Variants in NDUFAF2 observed in about 807,000 individuals in gnomAD.
NDUFAF2 encodes the protein NADH:ubiquinone oxidoreductase complex assembly factor 2.
A neutral mutation model predicts 22.8 loss-of-function variants in NDUFAF2; 13 were observed. The ratio of observed to expected loss-of-function variants is 0.57; its 90% CI spans 0.37 to 0.91. The LOEUF (loss-of-function observed/expected upper bound fraction) is 0.91. Ranked by LOEUF, NDUFAF2 falls within the 40% of genes least tolerant of loss-of-function variation. The pLI is 0.01. For missense variants in NDUFAF2, 162 were observed against 195.2 expected, an observed-to-expected ratio of 0.83 and a Z score of 1.01; for synonymous variants, 53 against 64.2, an observed-to-expected ratio of 0.83 and a Z score of 0.84.
intron 1 of NDUFAF2, among the ~76,000 whole-genome samples, chr5:61,044,186 T>A (rs1330200932): frequency 1.3e-5 from 2 of 151,988 alleles, no homozygotes; most frequent in Non-Finnish European, 2.9e-5. Context: ...CCTTTGCTTA[T>A]TTTTTAATCA....
intron 1 of NDUFAF2, among the ~76,000 whole-genome samples, chr5:60,993,723 C>T (rs79806206): frequency 0.017 from 2,525 of 152,072 alleles, 82 homozygotes; most frequent in African/African-American, 0.058. Flanking sequence ...CTGATCACCC[C>T]GATGTCTGTA....
rs376529058 is a variant in NDUFAF2 at position 61,141,441 on chromosome 5, C to T, written c.259-11263C>T. Among the ~76,000 whole-genome samples the T allele has an allele frequency of 4.2e-4, 64 of 152,054 alleles. 1 individual carries two copies. The South Asian group carries it at 0.013, about 31-fold the overall frequency. ...CTCAATCCTTGGCACTTAGTGGGCT[C>T]TCAGTTAATATATGCATGAACCAAT... On this transcript the variant is annotated intron_variant, in intron 3 of 3. Transcript: ENST00000296597.
chr5:60,995,415 G>A (rs1408592059), intron 1 of NDUFAF2, among the ~76,000 whole-genome samples: 1 of 152,212 alleles, frequency 6.6e-6, no homozygotes, highest in South Asian at 2.1e-4. Context: ...GTAACGCTGT[G>A]GTTCTTGCAG....
chr5:61,040,437 A>G (rs1751866311), intron 1 of NDUFAF2, among the ~76,000 whole-genome samples: 1 of 152,158 alleles, frequency 6.6e-6, no homozygotes, highest in South Asian at 2.1e-4. Flanking sequence ...TTCAGACTTT[A>G]GCCTCCAGAA....
intron 1 of NDUFAF2, among the ~76,000 whole-genome samples, chr5:61,006,329 GT>G (rs1751365959): frequency 6.6e-6 from 1 of 152,270 alleles, no homozygotes; most frequent in South Asian, 2.1e-4. Context: ...GTACCATTCT[GT>G]TTTGGTTACT....
At chr5:61,129,514 C>G (rs936015856) in intron 3 of NDUFAF2, among the ~76,000 whole-genome samples, 1 of 151,956 alleles carries the variant, frequency 6.6e-6, no homozygotes, top group African/African-American at 2.4e-5. Flanking sequence ...AAACTGGAAG[C>G]CATCATTCTC....
chr5:61,015,756 T>A (rs1751498979), intron 1 of NDUFAF2, among the ~76,000 whole-genome samples: 1 of 152,122 alleles, frequency 6.6e-6, no homozygotes, highest in African/African-American at 2.4e-5. Flanking sequence ...TAAAAATGAT[T>A]AAAAAATCTG....
At chr5:61,022,893 C>T (rs1751602002) in intron 1 of NDUFAF2, among the ~76,000 whole-genome samples, 2 of 152,222 alleles carry the variant, frequency 1.3e-5, no homozygotes, top group Admixed American at 6.5e-5. Context: ...GATCTGCCTG[C>T]CTCAGCTTCC....
At chr5:60,990,878 CCTTTTGGAT>C (rs1751149627) in intron 1 of NDUFAF2, among the ~76,000 whole-genome samples, 1 of 152,016 alleles carries the variant, frequency 6.6e-6, no homozygotes, top group Non-Finnish European at 1.5e-5. Context: ...CAATGCAGAG[CCTTTTGGAT>C]CTGTCCTTTT....
intron 1 of NDUFAF2, among the ~76,000 whole-genome samples, chr5:61,069,039 A>G (rs2111725914): frequency 6.6e-6 from 1 of 152,076 alleles, no homozygotes; most frequent in African/African-American, 2.4e-5. Flanking sequence ...ACCTCATAGC[A>G]TTGTATAGCT....
At chr5:61,049,076 T>C (rs190028215) in intron 1 of NDUFAF2, among the ~76,000 whole-genome samples, 4 of 152,174 alleles carry the variant, frequency 2.6e-5, no homozygotes, top group Non-Finnish European at 5.9e-5. Context: ...TTTGTGTTCT[T>C]TTTATATATA....
intron 2 of NDUFAF2, among the ~76,000 whole-genome samples, chr5:61,076,693 T>C (rs949198997): frequency 2.0e-5 from 3 of 152,204 alleles, no homozygotes; most frequent in Admixed American, 6.5e-5. Flanking sequence ...AAAAGAGTAG[T>C]CATATGTTCT....
intron 1 of NDUFAF2, among the ~76,000 whole-genome samples, chr5:61,023,281 CA>C (rs1432057178): frequency 6.6e-6 from 1 of 151,660 alleles, no homozygotes; most frequent in Non-Finnish European, 1.5e-5. Context: ...CTTTTTTTTG[CA>C]TAACCAGTGT....
At chr5:61,149,162 G>A (rs1451823403) in intron 3 of NDUFAF2, among the ~76,000 whole-genome samples, 1 of 152,084 alleles carries the variant, frequency 6.6e-6, no homozygotes, top group Non-Finnish European at 1.5e-5. Context: ...GTAGAGACAG[G>A]GTTTTGCCAT....
chr5:61,010,070 C>G (rs1466322275), intron 1 of NDUFAF2, among the ~76,000 whole-genome samples: 1 of 152,064 alleles, frequency 6.6e-6, no homozygotes, highest in Non-Finnish European at 1.5e-5. Flanking sequence ...TTCCACTTCT[C>G]TCTATCCTCA....
intron 3 of NDUFAF2, among the ~76,000 whole-genome samples, chr5:61,148,411 T>C (rs1741171781): frequency 6.6e-6 from 1 of 152,228 alleles, no homozygotes; most frequent in Non-Finnish European, 1.5e-5. Flanking sequence ...TGTCTGAAAC[T>C]AGTAGATTAC....
intron 2 of NDUFAF2, among the ~76,000 whole-genome samples, chr5:61,087,484 G>C (rs1219700727): frequency 6.6e-6 from 1 of 152,144 alleles, no homozygotes; most frequent in Non-Finnish European, 1.5e-5. Context: ...TTTAGAAATT[G>C]ATAATACCAA....
chr5:61,008,252 T>G (rs1258653010), intron 1 of NDUFAF2, among the ~76,000 whole-genome samples: 1 of 151,914 alleles, frequency 6.6e-6, no homozygotes, highest in Non-Finnish European at 1.5e-5. Flanking sequence ...TGTATACATA[T>G]GTAACTAACC....
At chr5:60,981,924 C>T (rs549480225) in intron 1 of NDUFAF2, among the ~76,000 whole-genome samples, 55 of 152,166 alleles carry the variant, frequency 3.6e-4, no homozygotes, top group Admixed American at 1.2e-3. Flanking sequence ...AAACTGGACC[C>T]GTCTCTCACC....
Sources: gnomAD v4.1 joint callset for allele counts (sites outside exome capture counted in the v4.1 genomes callset) on GRCh38, gnomAD v4.1.1 for gene constraint, MANE v1.5 for transcripts, NCBI Gene and HGNC (gene_info 2026-07-23, HGNC 2026-07-21) for gene names.